Variants in KIF16B observed in about 807,000 individuals in gnomAD.
KIF16B encodes the protein kinesin-like protein KIF16B.
In KIF16B, 98 loss-of-function variants were observed where a neutral mutation model predicts 156.3. That is an observed-to-expected ratio of 0.63 (90% CI 0.53 to 0.74). The LOEUF (loss-of-function observed/expected upper bound fraction) is 0.74. Among genes scored for constraint, KIF16B ranks in the 30% least tolerant of loss-of-function variants. KIF16B has a pLI of 0.00. For synonymous variants in KIF16B, 564 were observed against 583.7 expected, an observed-to-expected ratio of 0.97 and a Z score of 0.49; for missense variants, 1,421 against 1,606.5, an observed-to-expected ratio of 0.88 and a Z score of 1.97.
At chr20:16,362,297 T>G (rs979405888) in intron 22 of KIF16B, among the ~76,000 whole-genome samples, 1 of 151,860 alleles carries the variant, frequency 6.6e-6, no homozygotes, top group Non-Finnish European at 1.5e-5. Flanking sequence ...AAAGTAAACA[T>G]ACAAACTTAT....
In KIF16B at chr20:16,531,896, C is replaced by T. The variant is rs374832182; in HGVS notation, c.48-3456G>A. On this transcript the variant is annotated intron_variant, in intron 1 of 25. Transcript: ENST00000354981. ...CAGCCTGGCCAACATGGCAAAACCC[C>T]GCCTCTACTAAAAAGACAAAAAATA... 4.6e-5 allele frequency among the ~76,000 whole-genome samples: 7 copies of T among 152,042 alleles called. No individual in the cohort carries two copies. The South Asian group carries it at 1.5e-3, about 32-fold the overall frequency.
chr20:16,406,958 G>A (rs771611652), intron 15 of KIF16B, among the ~76,000 whole-genome samples: 16 of 152,134 alleles, frequency 1.1e-4, no homozygotes, highest in African/African-American at 2.9e-4. Context: ...AGAATTTGAC[G>A]GGAGAGAACT....
chr20:16,453,159 A>G (rs533999317), intron 12 of KIF16B, among the ~76,000 whole-genome samples: 27 of 151,946 alleles, frequency 1.8e-4, no homozygotes, highest in African/African-American at 4.8e-4. Context: ...AGCCCCAGCT[A>G]CTTGGGAGGC....
chr20:16,320,431 C>T (rs909671431), intron 24 of KIF16B, among the ~76,000 whole-genome samples: 1 of 151,880 alleles, frequency 6.6e-6, no homozygotes, highest in Admixed American at 6.6e-5. Context: ...AAAATGTGAG[C>T]CAGCAGGACT....
intron 24 of KIF16B, among the ~76,000 whole-genome samples, chr20:16,334,374 T>C (rs375794727): frequency 6.6e-6 from 1 of 152,366 alleles, no homozygotes; most frequent in East Asian, 1.9e-4. Context: ...ATTGTCAATA[T>C]TGATTTCAGC....
At chr20:16,444,730 C>T (rs533283513) in intron 12 of KIF16B, among the ~76,000 whole-genome samples, 17 of 152,270 alleles carry the variant, frequency 1.1e-4, no homozygotes, top group Middle Eastern at 3.4e-3. Context: ...GTCCACTGTT[C>T]GTGGGCATTT....
At chr20:16,285,818 AAAAAC>A (rs1021367564) in intron 25 of KIF16B, among the ~76,000 whole-genome samples, 5 of 152,168 alleles carry the variant, frequency 3.3e-5, no homozygotes, top group African/African-American at 1.2e-4. Flanking sequence ...CCTGTCTCAA[AAAAAC>A]AAAACAAAAC....
intron 24 of KIF16B, among the ~76,000 whole-genome samples, chr20:16,324,390 A>C (rs889827453): frequency 1.3e-5 from 2 of 151,994 alleles, no homozygotes; most frequent in Admixed American, 6.6e-5. Flanking sequence ...GACCTTAACA[A>C]AACTCTCCAT....
intron 15 of KIF16B, among the ~76,000 whole-genome samples, chr20:16,424,558 C>T (rs768705871): frequency 2.1e-4 from 32 of 152,128 alleles, no homozygotes; most frequent in African/African-American, 9.7e-5. Context: ...ATAAAGACTA[C>T]GTATAACATA....
chr20:16,530,182 G>A (rs972179336), intron 1 of KIF16B, among the ~76,000 whole-genome samples: 2 of 152,074 alleles, frequency 1.3e-5, no homozygotes, highest in Non-Finnish European at 2.9e-5. Context: ...TATAAAGCAG[G>A]AACACTAACA....
intron 23 of KIF16B, among the ~76,000 whole-genome samples, chr20:16,342,193 T>A (rs562313633): frequency 2.9e-4 from 44 of 152,230 alleles, no homozygotes; most frequent in African/African-American, 1.0e-3. Context: ...GGATATTAAT[T>A]ACATAATTAA....
At chr20:16,410,194 C>CATATACATATATGTAGGTACATAT in intron 15 of KIF16B, among the ~76,000 whole-genome samples, 1 of 96,032 alleles carries the variant, frequency 1.0e-5, no homozygotes, top group South Asian at 3.9e-4. Flanking sequence ...GGTACATATA[C>CATATACATATATGTAGGTACATAT]ATATATGTAG....
intron 25 of KIF16B, among the ~76,000 whole-genome samples, chr20:16,280,840 A>T: frequency 7.6e-6 from 1 of 131,500 alleles, no homozygotes; most frequent in African/African-American, 2.9e-5. Context: ...CTGCGCGCGC[A>T]CGTGTGTGTG....
intron 12 of KIF16B, among the ~76,000 whole-genome samples, chr20:16,493,437 C>T (rs1048947054): frequency 1.3e-5 from 2 of 152,214 alleles, no homozygotes; most frequent in African/African-American, 4.8e-5. Context: ...AGGTGATCCA[C>T]CTTAGGATTC....
chr20:16,354,901 G>A (rs1426784634), intron 23 of KIF16B, among the ~76,000 whole-genome samples: 4 of 151,952 alleles, frequency 2.6e-5, no homozygotes, highest in Non-Finnish European at 4.4e-5. Flanking sequence ...AGCTGAGATC[G>A]CGCCACTGCA....
At position 16,506,117 on chromosome 20, in the gene KIF16B, C is replaced by A. The variant is rs761946914; in HGVS notation, c.773G>T (p.Arg258Leu). ...CCCGGTGGCTCCGGTGGCATCTGCA[C>A]GCTCACTTCCGGCAAGATCAACCAA... ...IHLVDLAGSE[R>L]ADATGATGVR... Residue 258 changes from arginine (R) to leucine (L), a missense_variant, in exon 8 of 26, where the codon CGT becomes CTT. Transcript: ENST00000354981. The A allele has an allele frequency of 3.1e-6, 5 of 1,614,054 alleles. No individual in the cohort carries two copies. In the East Asian group the frequency reaches 1.1e-4, roughly 36 times the overall value.
At chr20:16,472,723 T>C (rs887044828) in intron 12 of KIF16B, among the ~76,000 whole-genome samples, 2 of 152,132 alleles carry the variant, frequency 1.3e-5, no homozygotes, top group African/African-American at 4.8e-5. Flanking sequence ...CTACACTGTG[T>C]TCAGAGAACA....
chr20:16,490,642 C>T (rs931589796), intron 12 of KIF16B, among the ~76,000 whole-genome samples: 1 of 152,090 alleles, frequency 6.6e-6, no homozygotes, highest in African/African-American at 2.4e-5. Context: ...TATGAAGACA[C>T]AGACAAGAGA....
At chr20:16,369,752 G>A (rs2064771435) in intron 22 of KIF16B, among the ~76,000 whole-genome samples, 1 of 152,176 alleles carries the variant, frequency 6.6e-6, no homozygotes, top group Admixed American at 6.5e-5. Context: ...GTTTCATGGG[G>A]ATCAAATGTT....
Sources: gnomAD v4.1 joint callset for allele counts (sites outside exome capture counted in the v4.1 genomes callset) on GRCh38, gnomAD v4.1.1 for gene constraint, MANE v1.5 for transcripts, NCBI Gene and HGNC (gene_info 2026-07-23, HGNC 2026-07-21) for gene names.